RNPS1: variants seen among roughly 807,000 people sequenced by gnomAD.
The protein encoded by RNPS1 is RNA binding protein with serine rich domain 1.
For synonymous variants in RNPS1, 147 were observed against 150.0 expected, an observed-to-expected ratio of 0.98 and a Z score of 0.15; for missense variants, 300 against 427.6, an observed-to-expected ratio of 0.70 and a Z score of 2.63.
Position 2,263,175 on chromosome 16 carries a change from T to C in RNPS1, c.340A>G (p.Ser114Gly). The change falls in exon 4 of 8, where the codon AGC becomes GGC. Residue 114 changes from serine (S) to glycine (G), a missense_variant. Coordinates refer to ENST00000320225, the MANE Select transcript of RNPS1 (RefSeq NM_080594.4). ...CCAGAAGAGCTGCTAGAGCTGGAGC[T>C]GCGGGAGGTGCTGGAGCTTCCTGAG... ...SRSGSSSTSR[S>G]SSSSSSSGSP... 1.9e-6 allele frequency: 3 copies of C among 1,613,858 alleles called. No homozygotes were observed. Among genetic ancestry groups the C allele is most frequent in the Non-Finnish European group, 2.5e-6 (3 of 1,179,916 alleles).
intron 1 of RNPS1, 151 bp downstream of exon 1, chr16:2,267,904 G>A (rs2093632030): frequency 2.1e-5 from 33 of 1,535,772 alleles, no homozygotes; most frequent in African/African-American, 2.7e-5. Context: ...CCCGCCCCGG[G>A]CCACACTCTT....
At position 2,264,573 on chromosome 16, in the gene RNPS1, C is replaced by T. The variant is rs1596814081; in HGVS notation, c.71G>A (p.Arg24Lys). The change falls in exon 2 of 8, where the codon AGG (arginine) becomes AAG (lysine). Residue 24 changes from arginine to lysine, a missense_variant and splice_region_variant. Arg to Lys is a conservative substitution (Grantham distance 26, BLOSUM62 2). Transcript: ENST00000320225. ...VKENNKKSST[R>K]APSPTKRKDR... is the part of the protein sequence containing the mutation. Reference sequence around the variant, plus strand: ...TAGAAAAATCTTACAGAAGGATTACCTAGTGCTGGACTTTTTATTATTTTC... The same window carrying T: ...TAGAAAAATCTTACAGAAGGATTACTTAGTGCTGGACTTTTTATTATTTTC... 6.2e-7 allele frequency: 1 copy of T among 1,613,292 alleles called. No individual in the cohort carries two copies. The highest frequency in any genetic ancestry group is 8.5e-7 in the Non-Finnish European group (1 of 1,179,648).
At chr16:2,266,268 G>C (rs984124991) in intron 1 of RNPS1, 1 of 985,318 alleles carries the variant, frequency 1.0e-6, no homozygotes, top group African/African-American at 1.7e-5. Flanking sequence ...TGAGAGCCAA[G>C]GAGGGCCGAA....
At chr16:2,266,404 A>G in intron 1 of RNPS1, 1 of 985,388 alleles carries the variant, frequency 1.0e-6, no homozygotes, top group Non-Finnish European at 1.2e-6. Context: ...AGTATCATTC[A>G]GAGTATAATT....
intron 3 of RNPS1, chr16:2,263,885 C>T: frequency 2.7e-6 from 1 of 374,228 alleles, no homozygotes. Context: ...GCTAATTTTA[C>T]AAATTACTCT....
rs367562361 is a variant in RNPS1, at chr16:2,264,201, C to T, written c.202G>A (p.Ala68Thr). Residue 68 changes from alanine to threonine, a missense_variant, in exon 3 of 8, where the codon GCT becomes ACT. Ala to Thr is a moderately conservative substitution (Grantham distance 58). Coordinates refer to ENST00000320225, the MANE Select transcript of RNPS1 (RefSeq NM_080594.4). ...GRDKTRKRRS[A>T]SSGSSSTRSR... The stretch of plus-strand genomic sequence containing the variant: ...CTGGTACTGCTGCTACCACTGGAAG[C>T]GCTGCGCCTCTTTCGGGTTTTGTCC... 4.8e-5 allele frequency: 78 copies of T among 1,613,330 alleles called. No homozygotes were observed. Among genetic ancestry groups the T allele is most frequent in the Middle Eastern group, 3.7e-4 (2 of 5,468 alleles).
chr16:2,255,087 C>T (rs1349751323), intron 7 of RNPS1, among the ~76,000 whole-genome samples: 2 of 152,182 alleles, frequency 1.3e-5, no homozygotes, highest in Non-Finnish European at 2.9e-5. Context: ...ACCTGATGGG[C>T]CTGCCCTGAG....
At position 2,264,633 on chromosome 16, in the gene RNPS1, G is replaced by A; in HGVS notation, c.11C>T (p.Ser4Leu). MDLSGVKKKSLLGV... is the reference protein window; with the variant it reads MDLLGVKKKSLLGV... ...TAGCAAGCTCTTCTTTTTCACTCCT[G>A]ATAAATCCATTCTCCCCTTCTGAGG... Residue 4 changes from serine to leucine, a missense_variant, in exon 2 of 8, where the codon TCA becomes TTA. By Grantham distance (145) the Ser-to-Leu change is moderately radical. Transcript: ENST00000320225. 1 of 1,612,556 alleles carries A rather than the reference G, an allele frequency of 6.2e-7. No individual in the cohort carries two copies. The highest frequency in any genetic ancestry group is 8.5e-7 in the Non-Finnish European group (1 of 1,179,822).
At chr16:2,267,672 G>A (rs1365563168) in intron 1 of RNPS1, 19 of 1,149,184 alleles carry the variant, frequency 1.7e-5, no homozygotes, top group Non-Finnish European at 1.9e-5. Flanking sequence ...CAACTCCCCC[G>A]TCCAGGCGCC....
intron 1 of RNPS1, chr16:2,267,189 C>T: frequency 2.0e-6 from 2 of 985,382 alleles, no homozygotes. Flanking sequence ...GTTCAGGTAC[C>T]GGCTCAGGAC....
intron 6 of RNPS1, among the ~76,000 whole-genome samples, chr16:2,261,563 A>T (rs1475785584): frequency 6.6e-6 from 1 of 152,246 alleles, no homozygotes. Context: ...GTGGCAGGCC[A>T]GGTCTCACTA....
chr16:2,253,909 C>T lies in RNPS1; in HGVS notation c.*55G>A, dbSNP rs889496451. The T allele has an allele frequency of 3.6e-5, 54 of 1,483,150 alleles. No individual in the cohort carries two copies. Among genetic ancestry groups the T allele is most frequent in the Non-Finnish European group, 4.7e-5 (51 of 1,084,832 alleles). The allele number at this position is 1,483,150 out of a possible 1,614,324, so 91.9% of individuals were successfully genotyped here. On this transcript the variant is annotated 3_prime_UTR_variant, in exon 8 of 8. Transcript: ENST00000320225. ...GGTCTTCCTTTGGCTAGAAAAGTGACAAAACTGAGCTGGGTGGGGTATAAG... is the reference window on the plus strand; with the variant it reads ...GGTCTTCCTTTGGCTAGAAAAGTGATAAAACTGAGCTGGGTGGGGTATAAG...
intron 6 of RNPS1, among the ~76,000 whole-genome samples, chr16:2,259,661 G>A (rs922482695): frequency 3.3e-5 from 5 of 152,278 alleles, no homozygotes; most frequent in East Asian, 1.9e-4. Context: ...AGGCTGAGGC[G>A]GGCGGATCAC....
chr16:2,267,043 G>GA lies in RNPS1; in HGVS notation c.-118+1011dup, dbSNP rs200143594. 1,418 of 401,348 alleles carry GA rather than the reference G, an allele frequency of 3.5e-3. 69 individuals are homozygous for GA. In the Admixed American group the frequency reaches 0.088, roughly 25 times the overall value. 24.9% of individuals were successfully genotyped at this position (401,348 alleles called of 1,614,324 possible). ...CCCCCCCAAGAACTAAGATCTGCCC[G>GA]AATGTACTTGGTGAAATCAAACACC... On this transcript the variant is annotated intron_variant, in intron 1 of 7. Coordinates refer to ENST00000320225, the MANE Select transcript of RNPS1 (RefSeq NM_080594.4).
intron 6 of RNPS1, chr16:2,257,091 C>T (rs2093582003): frequency 6.6e-6 from 1 of 152,182 alleles, no homozygotes; most frequent in South Asian, 2.1e-4. Flanking sequence ...CACTGAAACA[C>T]ACGCCATGTG....
chr16:2,260,147 C>CTTTTT (rs776703032), intron 6 of RNPS1, among the ~76,000 whole-genome samples: 6 of 72,432 alleles, frequency 8.3e-5, no homozygotes, highest in Non-Finnish European at 1.4e-4. Flanking sequence ...TGTGTGTATT[C>CTTTTT]TTTTTTTTTT....
chr16:2,263,575 A>C (rs113049538), intron 3 of RNPS1, among the ~76,000 whole-genome samples: 1 of 152,160 alleles, frequency 6.6e-6, no homozygotes, highest in Non-Finnish European at 1.5e-5. Context: ...ACAACTGCCA[A>C]CTCAGGCTGG....
At chr16:2,263,009 A>G in intron 4 of RNPS1, 87 bp downstream of exon 4, 2 of 1,432,298 alleles carry the variant, frequency 1.4e-6, no homozygotes, top group Non-Finnish European at 1.9e-6. Flanking sequence ...ACACAGAAAG[A>G]CTCCTTTTGG....
chr16:2,256,734 T>G (rs2093580279), intron 6 of RNPS1: 1 of 152,340 alleles, frequency 6.6e-6, no homozygotes, highest in East Asian at 1.9e-4. Context: ...CGCAGGACCA[T>G]GCAGGCAGTA....
Sources: gnomAD v4.1 joint callset for allele counts (sites outside exome capture counted in the v4.1 genomes callset) on GRCh38, gnomAD v4.1.1 for gene constraint, MANE v1.5 for transcripts, NCBI Gene and HGNC (gene_info 2026-07-23, HGNC 2026-07-21) for gene names.